MTSS1: variants seen among roughly 807,000 people sequenced by gnomAD.
MTSS1 encodes the protein MTSS I-BAR domain containing 1.
In MTSS1, 18 loss-of-function variants were observed where a neutral mutation model predicts 79.0. The ratio of observed to expected loss-of-function variants is 0.23; its 90% CI spans 0.16 to 0.34. The LOEUF (loss-of-function observed/expected upper bound fraction) is 0.34, where lower values mean the gene tolerates loss of function less well. MTSS1 is among the 10% of genes least tolerant of loss of function. The pLI is 1.00. For synonymous variants in MTSS1, 341 were observed against 368.6 expected, an observed-to-expected ratio of 0.93 and a Z score of 0.86; for missense variants, 815 against 986.2, an observed-to-expected ratio of 0.83 and a Z score of 2.33.
At chr8:124,640,603 G>A (rs1298048434) in intron 3 of MTSS1, among the ~76,000 whole-genome samples, 1 of 152,164 alleles carries the variant, frequency 6.6e-6, no homozygotes, top group African/African-American at 2.4e-5. Context: ...GAGTGCAATG[G>A]CGTGATCTCA....
intron 3 of MTSS1, among the ~76,000 whole-genome samples, chr8:124,621,395 G>A (rs2133550954): frequency 6.6e-6 from 1 of 152,362 alleles, no homozygotes; most frequent in Admixed American, 6.5e-5. Flanking sequence ...GGAGGGAGAG[G>A]CACTTGGTGG....
At chr8:124,677,679 G>T (rs1825528387) in intron 3 of MTSS1, among the ~76,000 whole-genome samples, 1 of 152,056 alleles carries the variant, frequency 6.6e-6, no homozygotes, top group South Asian at 2.1e-4. Context: ...GGTGTATCTG[G>T]TTTTTTTCTT....
Position 124,727,595 on chromosome 8 carries a change from T to G in MTSS1, c.72+289A>C. On this transcript the variant is annotated intron_variant, in intron 1 of 13. Coordinates refer to ENST00000518547, the MANE Select transcript of MTSS1 (RefSeq NM_014751.6). The surrounding 1 kb of genome is among the most constrained non-coding windows in gnomAD (Gnocchi z 4.7). ...AGACAATGGGAAAACTTGCAGCCAG[T>G]GCCTTGAGCCCCCGAGGGAAAGAAA... is the stretch of plus-strand genomic sequence containing the variant. 1.7e-6 allele frequency: 1 copy of G among 584,254 alleles called. No homozygotes were observed. The highest frequency in any genetic ancestry group is 3.2e-6 in the Non-Finnish European group (1 of 309,374). The allele number at this position is 584,254 out of a possible 1,614,324, so 36.2% of individuals were successfully genotyped here.
intron 9 of MTSS1, among the ~76,000 whole-genome samples, chr8:124,564,431 G>A (rs947479057): frequency 2.6e-5 from 4 of 152,056 alleles, no homozygotes; most frequent in South Asian, 2.1e-4. Context: ...ATAGGGGAGC[G>A]TGCTGGAGGA....
At chr8:124,665,170 T>C (rs1271070249) in intron 3 of MTSS1, among the ~76,000 whole-genome samples, 1 of 152,164 alleles carries the variant, frequency 6.6e-6, no homozygotes, top group Non-Finnish European at 1.5e-5. Context: ...TATTTGAACA[T>C]GTCTATAATA....
chr8:124,611,272 GC>G (rs1217028169), intron 3 of MTSS1, among the ~76,000 whole-genome samples: 2 of 152,232 alleles, frequency 1.3e-5, no homozygotes, highest in Non-Finnish European at 2.9e-5. Context: ...GGGAGAAAGA[GC>G]CAGGGGTGAG....
chr8:124,713,485 G>A (rs1412445949), intron 1 of MTSS1, among the ~76,000 whole-genome samples: 2 of 152,196 alleles, frequency 1.3e-5, no homozygotes, highest in Admixed American at 6.5e-5. Flanking sequence ...GTGCAGTGAT[G>A]TGATCTTGGC....
chr8:124,591,084 C>A, intron 4 of MTSS1, 67 bp downstream of exon 4: 1 of 1,311,538 alleles, frequency 7.6e-7, no homozygotes, highest in South Asian at 1.2e-5. Flanking sequence ...GTGTGCCACA[C>A]ATGACTGCTT....
rs1487869930 is a variant in MTSS1 at position 124,683,035 on chromosome 8, G to A, written c.208+16491C>T. 6.6e-6 allele frequency among the ~76,000 whole-genome samples: 1 copy of A among 151,926 alleles called. No individual in the cohort carries two copies. Among genetic ancestry groups the A allele is most frequent in the Non-Finnish European group, 1.5e-5 (1 of 67,998 alleles). The stretch of plus-strand genomic sequence containing the variant: ...TCTATGACCTTTTCAGACCATCTTG[G>A]TTCCTCTCCTGATGTTTCCTAAAGT... On this transcript the variant is annotated intron_variant, in intron 3 of 13. Coordinates refer to ENST00000518547, the MANE Select transcript of MTSS1 (RefSeq NM_014751.6). The surrounding 1 kb of genome is among the most constrained non-coding windows in gnomAD (Gnocchi z 4.5).
intron 3 of MTSS1, among the ~76,000 whole-genome samples, chr8:124,625,295 T>G (rs1300588695): frequency 6.6e-6 from 1 of 152,134 alleles, no homozygotes; most frequent in African/African-American, 2.4e-5. Context: ...CTTCTAAGGA[T>G]CATCGAAAAT....
At chr8:124,576,708 C>T (rs946391412) in intron 6 of MTSS1, among the ~76,000 whole-genome samples, 1 of 152,204 alleles carries the variant, frequency 6.6e-6, no homozygotes, top group Non-Finnish European at 1.5e-5. Flanking sequence ...CCTACAAAAA[C>T]CATAAATGGC....
Position 124,552,885 on chromosome 8 carries a change from G to T in MTSS1, c.*107C>A. 1.8e-6 allele frequency: 2 copies of T among 1,128,050 alleles called. No homozygotes were observed. Among genetic ancestry groups the T allele is most frequent in the South Asian group, 1.6e-5 (1 of 63,570 alleles). The allele number at this position is 1,128,050 out of a possible 1,614,324, so 69.9% of individuals were successfully genotyped here. A position where few individuals can be genotyped will look rare whatever the true frequency, so the allele number is the denominator to read the frequency against. The stretch of plus-strand genomic sequence containing the variant: ...AGTACTTTCAAAAGAGCTATATTCC[G>T]AGTTGCCTACAAAATCTTTTGTTTT... On this transcript the variant is annotated 3_prime_UTR_variant, in exon 14 of 14. Transcript: ENST00000518547.
chr8:124,663,364 C>T (rs1822449134), intron 3 of MTSS1, among the ~76,000 whole-genome samples: 1 of 152,100 alleles, frequency 6.6e-6, no homozygotes, highest in Admixed American at 6.5e-5. Context: ...AAGCCAAGGA[C>T]ACGTGTCCTC....
At chr8:124,703,936 C>T (rs1407182428) in intron 2 of MTSS1, among the ~76,000 whole-genome samples, 194 bp downstream of exon 2, 5 of 152,126 alleles carry the variant, frequency 3.3e-5, no homozygotes. Context: ...TGAATGAGTC[C>T]CATTTTACAT....
At chr8:124,600,647 T>C (rs1833631349) in intron 3 of MTSS1, among the ~76,000 whole-genome samples, 2 of 152,230 alleles carry the variant, frequency 1.3e-5, no homozygotes, top group Non-Finnish European at 2.9e-5. Context: ...CTGGGGCATC[T>C]GTCCATAAGG....
At chr8:124,642,374 C>A (rs1211835106) in intron 3 of MTSS1, among the ~76,000 whole-genome samples, 1 of 152,128 alleles carries the variant, frequency 6.6e-6, no homozygotes, top group Non-Finnish European at 1.5e-5. Context: ...AGAAAAACAT[C>A]TCCATTTTCA....
chr8:124,586,206 C>G (rs189348292), intron 5 of MTSS1, among the ~76,000 whole-genome samples: 1 of 152,300 alleles, frequency 6.6e-6, no homozygotes, highest in East Asian at 1.9e-4. Context: ...TTCACCTTGG[C>G]CAGCTCCCTT....
intron 3 of MTSS1, chr8:124,698,037 T>G (rs1829126377): frequency 6.6e-6 from 1 of 152,214 alleles, no homozygotes; most frequent in African/African-American, 2.4e-5. Flanking sequence ...AACATATAGT[T>G]TCTATGTTGA....
chr8:124,561,737 C>T (rs1288623053), intron 10 of MTSS1, among the ~76,000 whole-genome samples: 1 of 152,138 alleles, frequency 6.6e-6, no homozygotes, highest in African/African-American at 2.4e-5. Context: ...ACCCTTTGCC[C>T]TCTCTGCTTG....
Sources: gnomAD v4.1 joint callset for allele counts (sites outside exome capture counted in the v4.1 genomes callset) on GRCh38, gnomAD v4.1.1 for gene constraint, Gnocchi (gnomAD v3.1) non-coding constraint, MANE v1.5 for transcripts, NCBI Gene and HGNC (gene_info 2026-07-23, HGNC 2026-07-21) for gene names.